ACOXL: variants seen among roughly 807,000 people sequenced by gnomAD.
ACOXL encodes the protein acyl-CoA oxidase like.
ACOXL carries 70 observed loss-of-function variants against 71.9 expected under a neutral mutation model. The ratio of observed to expected loss-of-function variants is 0.97; its 90% CI spans 0.80 to 1.19. The LOEUF (loss-of-function observed/expected upper bound fraction) is 1.19, where lower values mean the gene tolerates loss of function less well. Ranked by LOEUF, ACOXL falls within the 50% of genes most tolerant of loss-of-function variation. ACOXL has a pLI of 0.00. For synonymous variants in ACOXL, 253 were observed against 281.6 expected (o/e 0.90, Z 1.02); for missense variants, 703 against 736.3 (o/e 0.95, Z 0.52).
chr2:110,813,066 G>C (rs1687531720), intron 9 of ACOXL, among the ~76,000 whole-genome samples: 1 of 152,198 alleles, frequency 6.6e-6, no homozygotes, highest in Admixed American at 6.5e-5. Flanking sequence ...CTGGCACAAA[G>C]ACCTAGGAGC....
At chr2:110,805,062 A>G (rs1273586469) in intron 8 of ACOXL, among the ~76,000 whole-genome samples, 4 of 152,218 alleles carry the variant, frequency 2.6e-5, no homozygotes, top group East Asian at 1.9e-4. Flanking sequence ...GGAAACCACT[A>G]CCTCCCATGA....
chr2:110,797,602 T>C (rs116831932), intron 5 of ACOXL, among the ~76,000 whole-genome samples: 2,284 of 152,340 alleles, frequency 0.015, 68 homozygotes, highest in African/African-American at 0.053. Context: ...GGCTTTCATT[T>C]AAACCAAGAT....
intron 16 of ACOXL, among the ~76,000 whole-genome samples, chr2:111,056,449 A>G (rs1156362022): frequency 6.6e-6 from 1 of 152,058 alleles, no homozygotes; most frequent in Non-Finnish European, 1.5e-5. Context: ...CAGTTTTGGA[A>G]AGGGATCTTT....
At chr2:110,823,513 A>G (rs1462272037) in intron 9 of ACOXL, among the ~76,000 whole-genome samples, 3 of 152,214 alleles carry the variant, frequency 2.0e-5, no homozygotes, top group Non-Finnish European at 4.4e-5. Context: ...AGATAAGACT[A>G]TGTTTAGCTT....
intron 1 of ACOXL, among the ~76,000 whole-genome samples, chr2:110,753,684 C>A (rs1679300184): frequency 6.6e-6 from 1 of 152,148 alleles, no homozygotes; most frequent in African/African-American, 2.4e-5. Flanking sequence ...GAACATTCTT[C>A]TATGACAATT....
intron 1 of ACOXL, among the ~76,000 whole-genome samples, chr2:110,762,952 T>A (rs1680591137): frequency 6.6e-6 from 1 of 152,226 alleles, no homozygotes; most frequent in Non-Finnish European, 1.5e-5. Context: ...CCACTGCCCC[T>A]GGCCAAATTG....
At chr2:110,807,178 A>C (rs1686760961) in intron 9 of ACOXL, among the ~76,000 whole-genome samples, 1 of 152,160 alleles carries the variant, frequency 6.6e-6, no homozygotes, top group African/African-American at 2.4e-5. Flanking sequence ...TGGGCAGGAA[A>C]GCCCTGGGCT....
At chr2:110,942,969 A>AG (rs1037153688) in intron 12 of ACOXL, among the ~76,000 whole-genome samples, 1 of 149,150 alleles carries the variant, frequency 6.7e-6, no homozygotes, top group African/African-American at 2.5e-5. Flanking sequence ...GAAAAGAAAA[A>AG]AAAAGAAGAG....
chr2:110,959,778 C>A (rs1038102926), intron 12 of ACOXL, among the ~76,000 whole-genome samples: 1 of 152,196 alleles, frequency 6.6e-6, no homozygotes, highest in Admixed American at 6.5e-5. Context: ...TTACATTCAC[C>A]ATTCTGCACC....
chr2:110,886,705 T>G, intron 10 of ACOXL: 1 of 1,538,798 alleles, frequency 6.5e-7, no homozygotes, highest in Non-Finnish European at 8.8e-7. Flanking sequence ...AATGCCAAGT[T>G]TCACCCTTTG....
rs944852464 is a variant in ACOXL, at chr2:110,827,409, G to A, written c.754-13962G>A. 1.1e-4 allele frequency among the ~76,000 whole-genome samples: 16 copies of A among 152,306 alleles called. 1 individual carries two copies. The highest frequency in any genetic ancestry group is 2.2e-4 in the African/African-American group (9 of 41,568). ...TGAATGAGCTGGCATGTGGCGGGCCGTGGAACAGTGCACTGCATTTGGGGC... is the reference window on the plus strand; with the variant it reads ...TGAATGAGCTGGCATGTGGCGGGCCATGGAACAGTGCACTGCATTTGGGGC... On this transcript the variant is annotated intron_variant, in intron 9 of 17. Coordinates refer to ENST00000439055, the MANE Select transcript of ACOXL (RefSeq NM_001142807.4).
chr2:110,744,115 AAG>A (rs144357784), intron 1 of ACOXL, among the ~76,000 whole-genome samples: 77 of 151,238 alleles, frequency 5.1e-4, no homozygotes, highest in African/African-American at 1.5e-3. Flanking sequence ...TCAGTGGAGA[AAG>A]AGAGAGAGAG....
chr2:110,965,062 G>A (rs764834854), intron 12 of ACOXL, among the ~76,000 whole-genome samples: 50 of 152,046 alleles, frequency 3.3e-4, no homozygotes, highest in Non-Finnish European at 6.6e-4. Flanking sequence ...CCATATATGG[G>A]TAAGAACATG....
At chr2:110,987,021 A>G in intron 12 of ACOXL, 87 bp from the exon 13 acceptor site, 3 of 1,102,154 alleles carry the variant, frequency 2.7e-6, no homozygotes, top group Non-Finnish European at 4.0e-6. Context: ...TTGCTAAGTG[A>G]CAAATAGATC....
intron 15 of ACOXL, 95 bp from the exon 16 acceptor site, chr2:111,049,123 T>C: frequency 2.0e-6 from 2 of 976,740 alleles, no homozygotes; most frequent in Non-Finnish European, 3.2e-6. Flanking sequence ...CAGCATGCTG[T>C]TTACGTCTGT....
chr2:111,104,226 C>A (rs1017712262), intron 17 of ACOXL, among the ~76,000 whole-genome samples: 1 of 152,194 alleles, frequency 6.6e-6, no homozygotes, highest in Admixed American at 6.5e-5. Context: ...GAACCACTCA[C>A]ACATTGAAGG....
chr2:110,852,283 C>A (rs1341118587), intron 10 of ACOXL, among the ~76,000 whole-genome samples: 1 of 152,162 alleles, frequency 6.6e-6, no homozygotes, highest in Non-Finnish European at 1.5e-5. Context: ...TGGAGGGGGG[C>A]TACCAAGGTC....
chr2:110,985,845 G>T (rs780067770), intron 12 of ACOXL, among the ~76,000 whole-genome samples: 4 of 152,128 alleles, frequency 2.6e-5, no homozygotes, highest in Non-Finnish European at 5.9e-5. Flanking sequence ...TGGTTGAGAC[G>T]GTCCCATGCA....
chr2:110,763,111 C>G (rs1306147915), intron 1 of ACOXL, among the ~76,000 whole-genome samples: 3 of 152,138 alleles, frequency 2.0e-5, no homozygotes, highest in Non-Finnish European at 1.5e-5. Context: ...GGAGAGGAAA[C>G]TTAATGTTGT....
Sources: gnomAD v4.1 joint callset for allele counts (sites outside exome capture counted in the v4.1 genomes callset) on GRCh38, gnomAD v4.1.1 for gene constraint, MANE v1.5 for transcripts, NCBI Gene and HGNC (gene_info 2026-07-23, HGNC 2026-07-21) for gene names.